PLP1: variants seen among roughly 807,000 people sequenced by gnomAD.
PLP1 encodes proteolipid protein 1.
In PLP1, 2 loss-of-function variants were observed where a neutral mutation model predicts 18.5. The ratio of observed to expected loss-of-function variants is 0.11; its 90% CI spans 0.04 to 0.34. The LOEUF is 0.34. Among genes scored for constraint, PLP1 ranks in the 10% least tolerant of loss-of-function variants. The probability of loss-of-function intolerance (pLI) is 1.00; values close to 1 mark genes in which losing one functional copy is unlikely to be tolerated. For synonymous variants in PLP1, 86 were observed against 83.2 expected (o/e 1.03, Z -0.19); for missense variants, 105 against 207.3 (o/e 0.51, Z 3.03).
In PLP1 at chrX:103,791,988, T is replaced by A. The variant is rs2074548694; in HGVS notation, c.*1390T>A. ...AAAGGTTATTTTCTCCTGATATAGA[T>A]CACATAACAGAATGCACCAGTCATC... On this transcript the variant is annotated 3_prime_UTR_variant, in exon 7 of 7. Transcript: ENST00000621218. 8.9e-6 allele frequency: 1 copy of A among 111,827 alleles called. No individual in the cohort carries two copies. Among genetic ancestry groups the A allele is most frequent in the Admixed American group, 9.5e-5 (1 of 10,506 alleles). The allele number at this position is 111,827 out of a possible 1,213,427, so 9.2% of individuals were successfully genotyped here.
chrX:103,781,116 C>T (rs1343000213), intron 1 of PLP1: 1 of 227,664 alleles, frequency 4.4e-6, no homozygotes, highest in Non-Finnish European at 8.5e-6. Flanking sequence ...TTCTACCATT[C>T]CTTTCGATGA....
chrX:103,776,828 A>G, upstream of PLP1: 1 of 518,313 alleles, frequency 1.9e-6, no homozygotes, highest in East Asian at 3.7e-5. Context: ...GTTGGCTGTC[A>G]ATCAGAAAGC....
chrX:103,787,027 C>G, intron 3 of PLP1: 1 of 336,762 alleles, frequency 3.0e-6, no homozygotes. Context: ...TGTTCCCTTC[C>G]TAGTAGGTAC....
intron 1 of PLP1, among the ~76,000 whole-genome samples, chrX:103,779,392 G>C (rs940958545): frequency 2.7e-5 from 3 of 111,959 alleles, no homozygotes; most frequent in African/African-American, 9.8e-5. Context: ...TGTGGCGGCA[G>C]AGCGGGGGTC....
At position 103,783,087 on chromosome X, in the gene PLP1, A is replaced by T. The variant is rs1415204831; in HGVS notation, c.5-2495A>T. Among the ~76,000 whole-genome samples the T allele has an allele frequency of 2.7e-5, 3 of 112,090 alleles. No individual in the cohort carries two copies. The East Asian group carries it at 8.4e-4, about 31-fold the overall frequency. On this transcript the variant is annotated intron_variant, in intron 1 of 6. Coordinates refer to ENST00000621218, the MANE Select transcript of PLP1 (RefSeq NM_000533.5). ...TTCTAAGCTCCTTTTCTTGACTTAT[A>T]GGCTGAATCTAGTATCTTAACCTGT...
intron 3 of PLP1, chrX:103,787,592 CA>C (rs2074507878): frequency 4.4e-6 from 2 of 456,306 alleles, no homozygotes; most frequent in Admixed American, 6.7e-5. Flanking sequence ...CCATTCCCCC[CA>C]CCCTCCGTTA....
At chrX:103,781,339 A>T (rs2074452496) in intron 1 of PLP1, 3 of 323,527 alleles carry the variant, frequency 9.3e-6, no homozygotes, top group Non-Finnish European at 1.8e-5. Context: ...GATCTCTGTC[A>T]GACCGCTGTG....
intron 1 of PLP1, among the ~76,000 whole-genome samples, chrX:103,777,474 T>C (rs1194325996): frequency 8.9e-6 from 1 of 112,150 alleles, no homozygotes; most frequent in Non-Finnish European, 1.9e-5. Context: ...CAAGCTGGAC[T>C]CAGGCTTGGC....
chrX:103,776,762 GGGGAGGAGAA>G (rs1569425054), upstream of PLP1: 5 of 303,571 alleles, frequency 1.6e-5, no homozygotes, highest in African/African-American at 3.3e-4. Context: ...GTGGGGAAAA[GGGGAGGAGAA>G]GGGAGGAGGA....
chrX:103,786,821 C>G, intron 3 of PLP1, 95 bp downstream of exon 3: 1 of 934,452 alleles, frequency 1.1e-6, no homozygotes, highest in South Asian at 2.0e-5. Context: ...TGGGTCCTCT[C>G]TAGGGGCCTG....
At chrX:103,785,994 T>G (rs2074492877) in intron 2 of PLP1, 11 of 416,007 alleles carry the variant, frequency 2.6e-5, no homozygotes, top group Non-Finnish European at 4.5e-5. Flanking sequence ...CCCGCCCCCT[T>G]GTTTTCTTAC....
intron 3 of PLP1, chrX:103,787,594 C>A (rs753706052): frequency 4.4e-6 from 2 of 454,372 alleles, no homozygotes; most frequent in African/African-American, 2.4e-5. Context: ...ATTCCCCCCA[C>A]CCTCCGTTAT....
intron 1 of PLP1, 34 bp downstream of exon 1, chrX:103,777,033 A>G (rs1485664028): frequency 3.5e-6 from 4 of 1,157,516 alleles, no homozygotes; most frequent in Non-Finnish European, 4.7e-6. Flanking sequence ...TGAAGATTCA[A>G]GAGGACACAG....
chrX:103,785,446 C>A, intron 1 of PLP1, 136 bp from the exon 2 acceptor site: 2 of 544,737 alleles, frequency 3.7e-6, no homozygotes, highest in African/African-American at 2.3e-5. Flanking sequence ...AAGCCAAAAC[C>A]TCTAGCCGCT....
chrX:103,787,704 T>C (rs1407103752), intron 3 of PLP1, 94 bp from the exon 4 acceptor site: 1 of 754,615 alleles, frequency 1.3e-6, no homozygotes, highest in African/African-American at 2.0e-5. Flanking sequence ...CTGGTTTTAA[T>C]GTCTGGCACA....
At position 103,790,980 on chromosome X, in the gene PLP1, G is replaced by A. The variant is rs2074540774; in HGVS notation, c.*382G>A. ...AACAAAGTGGAAGGAAAGATGCTCA[G>A]GTACAGAGAAGGAATGTCTTTGGTC... is the stretch of plus-strand genomic sequence containing the variant. On this transcript the variant is annotated 3_prime_UTR_variant, in exon 7 of 7. Coordinates refer to ENST00000621218, the MANE Select transcript of PLP1 (RefSeq NM_000533.5). 1 of 226,567 alleles carries A rather than the reference G, an allele frequency of 4.4e-6. No homozygotes were observed. Among genetic ancestry groups the A allele is most frequent in the Non-Finnish European group, 7.9e-6 (1 of 125,998 alleles). The allele number at this position is 226,567 out of a possible 1,213,427, so 18.7% of individuals were successfully genotyped here.
At chrX:103,789,815 T>G (rs915163079) in intron 6 of PLP1, among the ~76,000 whole-genome samples, 1 of 111,709 alleles carries the variant, frequency 9.0e-6, no homozygotes, top group African/African-American at 3.3e-5. Context: ...GAATCCACTT[T>G]GGATACTCTC....
chrX:103,786,620 C>T lies in PLP1; in HGVS notation c.347C>T (p.Thr116Met), dbSNP rs749278720. The change falls in exon 3 of 7, where the codon ACG (threonine) becomes ATG (methionine). Residue 116 changes from threonine to methionine, a missense_variant. By Grantham distance (81) the Thr-to-Met change is moderately conservative. Transcript: ENST00000621218. ...TTICGKGLSATVTGGQKGRGS... is the reference protein window; with the variant it reads ...TTICGKGLSAMVTGGQKGRGS... ...ATCTGCGGCAAGGGCCTGAGCGCAA[C>T]GGTAACAGGGGGCCAGAAGGGGAGG... 8.3e-6 allele frequency: 10 copies of T among 1,211,204 alleles called. No homozygotes were observed. The highest frequency in any genetic ancestry group is 1.0e-5 in the Non-Finnish European group (9 of 895,057).
chrX:103,779,399 G>A (rs751530856), intron 1 of PLP1, among the ~76,000 whole-genome samples: 1 of 111,686 alleles, frequency 9.0e-6, no homozygotes, highest in African/African-American at 3.3e-5. Flanking sequence ...GCAGAGCGGG[G>A]GTCCAGTTTT....
Sources: allele counts gnomAD v4.1 joint callset (sites outside exome capture counted in the v4.1 genomes callset), GRCh38; gene constraint gnomAD v4.1.1; transcripts MANE v1.5; gene names NCBI Gene and HGNC (gene_info 2026-07-23, HGNC 2026-07-21).